The following FLCN variants were observed in gnomAD, a reference collection of about 807,000 sequenced individuals.
The protein encoded by FLCN is folliculin.
FLCN carries 22 observed loss-of-function variants against 62.5 expected under a neutral mutation model. That is an observed-to-expected ratio of 0.35 (90% CI 0.25 to 0.50). FLCN has a LOEUF of 0.50. FLCN is among the 20% of genes least tolerant of loss of function. The pLI is 0.97. For missense variants in FLCN, 657 were observed against 778.0 expected (o/e 0.84, Z 1.85); for synonymous variants, 319 against 310.0 (o/e 1.03, Z -0.30).
intron 5 of FLCN, chr17:17,224,390 T>A: frequency 1.8e-6 from 1 of 555,110 alleles, no homozygotes; most frequent in Middle Eastern, 4.9e-4. Context: ...TTCTTCCACC[T>A]TGAGCCATAA....
chr17:17,230,603 A>G (rs1217459074), intron 3 of FLCN, among the ~76,000 whole-genome samples: 2 of 151,700 alleles, frequency 1.3e-5, no homozygotes, highest in East Asian at 1.9e-4. Flanking sequence ...GCGGTCACCT[A>G]TAAACCCAGC....
chr17:17,219,055 C>G lies in FLCN; in HGVS notation c.1026G>C (p.Lys342Asn), dbSNP rs777103374. ...GCCGGAGGGACTTGAAGACTGGCAG[C>G]TTCCGGGGCTGCCAGCTCCCACAGC... ...LSGCGSWQPR[K>N]LPVFKSLRHM... Residue 342 changes from lysine (K) to asparagine (N), a missense_variant, in exon 9 of 14, where the codon AAG becomes AAC. Physicochemically the swap from Lys to Asn is moderately conservative, Grantham distance 94. Transcript: ENST00000285071. The G allele has an allele frequency of 6.2e-6, 10 of 1,613,702 alleles. No homozygotes were observed. The highest frequency in any genetic ancestry group is 8.5e-6 in the Non-Finnish European group (10 of 1,179,906).
In FLCN at chr17:17,216,380, C is replaced by G. The variant is rs1266098984; in HGVS notation, c.1300G>C (p.Glu434Gln). ...VQIPPHVLSS[E>Q]FAVIVEVHAA... The stretch of plus-strand genomic sequence containing the variant: ...CCCCACAGCCCGCGGGGGCACGCAC[C>G]TGAGGAGAGCACGTGGGGGGGGATC... Residue 434 changes from glutamate to glutamine, a missense_variant and splice_region_variant, in exon 11 of 14, where the codon GAG (glutamate) becomes CAG (glutamine). Physicochemically the swap from Glu to Gln is conservative, Grantham distance 29. Transcript: ENST00000285071. The surrounding 1 kb of genome is among the most constrained non-coding windows in gnomAD (Gnocchi z 4.0). 1 of 1,613,424 alleles carries G rather than the reference C, an allele frequency of 6.2e-7. No homozygotes were observed. Among genetic ancestry groups the G allele is most frequent in the South Asian group, 1.1e-5 (1 of 91,044 alleles).
At chr17:17,221,369 A>G (rs1597598134) in intron 8 of FLCN, 168 bp downstream of exon 8, 8 of 1,605,598 alleles carry the variant, frequency 5.0e-6, no homozygotes, top group African/African-American at 4.0e-5. Flanking sequence ...AATCACAACA[A>G]TCACAACAAT....
intron 5 of FLCN, 150 bp from the exon 6 acceptor site, chr17:17,224,293 A>C: frequency 1.4e-6 from 1 of 720,174 alleles, no homozygotes; most frequent in East Asian, 2.7e-5. Context: ...TGAGAGCCGA[A>C]GACTGTACTC....
At chr17:17,226,924 G>C (rs1028509604) in intron 4 of FLCN, among the ~76,000 whole-genome samples, 1 of 152,174 alleles carries the variant, frequency 6.6e-6, no homozygotes, top group African/African-American at 2.4e-5. Context: ...CCTACCCCAG[G>C]ACTGTGCGGC....
At chr17:17,235,451 A>G (rs2047556004) in intron 1 of FLCN, 1 of 152,204 alleles carries the variant, frequency 6.6e-6, no homozygotes, top group South Asian at 2.1e-4. Context: ...TTCTGTCTCC[A>G]AAAAAGAAAG....
intron 7 of FLCN, among the ~76,000 whole-genome samples, chr17:17,222,089 C>T (rs1181983126): frequency 6.7e-6 from 1 of 150,194 alleles, no homozygotes; most frequent in Non-Finnish European, 1.5e-5. Context: ...GTAATCCCAG[C>T]ACTCTGGGAG....
At chr17:17,234,986 C>T (rs928733734) in intron 1 of FLCN, among the ~76,000 whole-genome samples, 5 of 152,078 alleles carry the variant, frequency 3.3e-5, no homozygotes, top group African/African-American at 1.2e-4. Context: ...GTGGCGGGGG[C>T]CTGTAGCCCC....
At chr17:17,225,786 C>T (rs933345431) in intron 5 of FLCN, 97 of 332,556 alleles carry the variant, frequency 2.9e-4, no homozygotes, top group Middle Eastern at 1.1e-3. Flanking sequence ...GAGGCTAAGG[C>T]GGGAGGATCG....
Position 17,216,690 on chromosome 17 carries a change from C to G in FLCN, c.1177-187G>C, listed in dbSNP as rs898345940. Among the ~76,000 whole-genome samples the G allele has an allele frequency of 6.6e-6, 1 of 152,156 alleles. No homozygotes were observed. Among genetic ancestry groups the G allele is most frequent in the African/African-American group, 2.4e-5 (1 of 41,440 alleles). ...GGGGAGGGTCCTCCACCACCAGGTC[C>G]CTAACTCTTGTCTGGACCGCCAGTC... On this transcript the variant is annotated intron_variant, in intron 10 of 13. Coordinates refer to ENST00000285071, the MANE Select transcript of FLCN (RefSeq NM_144997.7). The surrounding 1 kb of genome is among the most constrained non-coding windows in gnomAD (Gnocchi z 4.0).
In FLCN at chr17:17,228,170, G is replaced by A. The variant is rs1253480332; in HGVS notation, c.-24-9C>T. The A allele has an allele frequency of 1.2e-6, 2 of 1,607,036 alleles. No homozygotes were observed. The highest frequency in any genetic ancestry group is 1.3e-5 in the African/African-American group (1 of 74,884). On this transcript the variant is annotated splice_polypyrimidine_tract_variant and intron_variant, in intron 3 of 13. Coordinates refer to ENST00000285071, the MANE Select transcript of FLCN (RefSeq NM_144997.7). ...TGGAGACTGCAACAGGCCTGCGTGG[G>A]ACAGGGGACATGTCAGCTTGCCAAT...
Position 17,215,282 on chromosome 17 carries a change from T to TGCGGCTGCGTGGACCTC in FLCN, c.1318_1334dup (p.Leu449GlnfsTer25), listed in dbSNP as rs879255677. 9 of 1,614,092 alleles carry TGCGGCTGCGTGGACCTC rather than the reference T, an allele frequency of 5.6e-6. No individual in the cohort carries two copies. Among genetic ancestry groups the TGCGGCTGCGTGGACCTC allele is most frequent in the Non-Finnish European group, 7.6e-6 (9 of 1,180,020 alleles). ...ACCCCACAGGGTGGAGGGTGGAACG[T>TGCGGCTGCGTGGACCTC]GCGGCTGCGTGGACCTCCACGATGA... On this transcript the variant is annotated frameshift_variant, in exon 12 of 14. Coordinates refer to ENST00000285071, the MANE Select transcript of FLCN (RefSeq NM_144997.7). LOFTEE classifies it high-confidence loss of function.
Position 17,228,138 on chromosome 17 carries a change from G to A in FLCN, c.-1C>T, listed in dbSNP as rs1164250510. On this transcript the variant is annotated 5_prime_UTR_variant, in exon 4 of 14. Transcript: ENST00000285071. ...GGCAGAGAGCCACGATGGCATTCAT[G>A]GTGCCTTGGAGACTGCAACAGGCCT... 1 of 1,612,562 alleles carries A rather than the reference G, an allele frequency of 6.2e-7. No homozygotes were observed. Among genetic ancestry groups the A allele is most frequent in the Non-Finnish European group, 8.5e-7 (1 of 1,180,008 alleles).
chr17:17,222,119 A>G (rs1708622), intron 7 of FLCN, among the ~76,000 whole-genome samples: 117,563 of 151,422 alleles, frequency 0.78, 45,787 homozygotes, highest in East Asian at 0.85. Flanking sequence ...GGTGGATCAC[A>G]TGAGGTCAGG....
intron 6 of FLCN, among the ~76,000 whole-genome samples, chr17:17,223,359 C>T (rs534842221): frequency 1.3e-5 from 2 of 152,358 alleles, no homozygotes; most frequent in African/African-American, 4.8e-5. Flanking sequence ...TCCCAAAGTG[C>T]TGGGATTACA....
intron 8 of FLCN, 53 bp from the exon 9 acceptor site, chr17:17,219,262 A>C (rs2047018030): frequency 6.3e-7 from 1 of 1,591,984 alleles, no homozygotes; most frequent in Non-Finnish European, 8.6e-7. Context: ...TCATCCTGTG[A>C]CTTCAGCCCA....
rs983386446 is a variant in FLCN at position 17,233,460 on chromosome 17, A to G, written c.-227-559T>C. Among the ~76,000 whole-genome samples the G allele has an allele frequency of 4.7e-4, 72 of 151,850 alleles. 1 individual carries two copies. The highest frequency in any genetic ancestry group is 2.3e-3 in the South Asian group (11 of 4,814). ...AAAATACAAAAAAAATCAGCCAGGC[A>G]TGGTGACAGGCGCCTATAGTCCCAG... On this transcript the variant is annotated intron_variant, in intron 1 of 13. Transcript: ENST00000285071.
chr17:17,234,408 C>T (rs1224182298), intron 1 of FLCN, among the ~76,000 whole-genome samples: 9 of 151,078 alleles, frequency 6.0e-5, no homozygotes, highest in Non-Finnish European at 1.3e-4. Context: ...GATGGGGTTT[C>T]GCCATGTTAG....
Sources: gnomAD v4.1 joint callset for allele counts (sites outside exome capture counted in the v4.1 genomes callset) on GRCh38, gnomAD v4.1.1 for gene constraint, Gnocchi (gnomAD v3.1) non-coding constraint, MANE v1.5 for transcripts, NCBI Gene and HGNC (gene_info 2026-07-23, HGNC 2026-07-21) for gene names.